SUMF1: variants seen among roughly 807,000 people sequenced by gnomAD.
The protein encoded by SUMF1 is formylglycine-generating enzyme.
SUMF1 carries 48 observed loss-of-function variants against 47.6 expected under a neutral mutation model. That is an observed-to-expected ratio of 1.01 (90% CI 0.80 to 1.28). The LOEUF is 1.28. SUMF1 is among the 50% of genes most tolerant of loss of function. SUMF1 has a pLI of 0.00. For synonymous variants in SUMF1, 230 were observed against 192.1 expected (o/e 1.20, Z -1.63); for missense variants, 571 against 485.4 (o/e 1.18, Z -1.66).
intron 1 of SUMF1, among the ~76,000 whole-genome samples, chr3:4,456,792 A>G (rs1286377800): frequency 1.3e-5 from 2 of 148,864 alleles, no homozygotes; most frequent in African/African-American, 2.5e-5. Flanking sequence ...GTGTGTGTGT[A>G]TATATACGTG....
At chr3:4,442,113 A>T (rs990491924) in intron 3 of SUMF1, among the ~76,000 whole-genome samples, 1 of 152,204 alleles carries the variant, frequency 6.6e-6, no homozygotes, top group Admixed American at 6.5e-5. Context: ...AAGAGCCAAC[A>T]GGCATTACTG....
At chr3:4,039,631 ATTTGGGTTGGTT>A (rs1694872636) in intron 9 of SUMF1, among the ~76,000 whole-genome samples, 1 of 151,616 alleles carries the variant, frequency 6.6e-6, no homozygotes, top group African/African-American at 2.4e-5. Flanking sequence ...ATTGTTGGAC[ATTTGGGTTGGTT>A]CCAAGTCTTT....
intron 9 of SUMF1, among the ~76,000 whole-genome samples, chr3:4,059,060 C>A (rs1009228065): frequency 6.6e-6 from 1 of 152,074 alleles, no homozygotes; most frequent in Non-Finnish European, 1.5e-5. Context: ...GGACAACATA[C>A]TGGAAAAGGT....
chr3:4,455,717 A>G (rs188136373), intron 1 of SUMF1, among the ~76,000 whole-genome samples: 9 of 151,616 alleles, frequency 5.9e-5, no homozygotes, highest in African/African-American at 2.2e-4. Context: ...ACTCCGTTTC[A>G]AATAATAATA....
chr3:4,417,167 C>T lies in SUMF1; in HGVS notation c.801G>A (p.Val267=), dbSNP rs775505041. Residue 267 remains valine, a synonymous_variant, in exon 6 of 9, where the codon GTG becomes GTA. Coordinates refer to ENST00000272902, the MANE Select transcript of SUMF1 (RefSeq NM_182760.4). ...YANIWQGEFP[V]TNTGEDGFQG... is the part of the protein sequence containing the mutation. ...GGAAGCCATCCTCACCAGTGTTGGT[C>T]ACCGGAAACTCGCCCTGCCAAATGT... The T allele has an allele frequency of 1.9e-6, 3 of 1,613,986 alleles. No homozygotes were observed. Among genetic ancestry groups the T allele is most frequent in the Middle Eastern group, 1.7e-4 (1 of 6,058 alleles).
chr3:4,378,281 G>A (rs9826440), intron 7 of SUMF1, among the ~76,000 whole-genome samples: 31,265 of 152,046 alleles, frequency 0.21, 3,383 homozygotes, highest in Middle Eastern at 0.29. Context: ...CATGTAAATT[G>A]CTGAATACTG....
At chr3:4,353,917 G>A (rs1699563668) in intron 8 of SUMF1, among the ~76,000 whole-genome samples, 1 of 152,114 alleles carries the variant, frequency 6.6e-6, no homozygotes, top group Admixed American at 6.5e-5. Flanking sequence ...AGGCTGGAGT[G>A]CAGCAGTGTG....
chr3:4,045,518 T>C (rs1694989408), intron 9 of SUMF1, among the ~76,000 whole-genome samples: 1 of 151,936 alleles, frequency 6.6e-6, no homozygotes, highest in Non-Finnish European at 1.5e-5. Context: ...TGAGATTGTA[T>C]ATATAAAAAT....
intron 8 of SUMF1, among the ~76,000 whole-genome samples, chr3:4,215,922 T>A (rs1040527789): frequency 6.6e-6 from 1 of 152,188 alleles, no homozygotes; most frequent in Non-Finnish European, 1.5e-5. Context: ...CATTCCATGC[T>A]CATGGATAGG....
downstream of SUMF1, among the ~76,000 whole-genome samples, chr3:4,360,733 T>A (rs1276780936): frequency 1.3e-5 from 2 of 152,214 alleles, no homozygotes; most frequent in Non-Finnish European, 2.9e-5. Flanking sequence ...ATTATTTGAT[T>A]TAAACATTTC....
At position 4,322,267 on chromosome 3, in the gene SUMF1, T is replaced by A. The variant is rs564158589; in HGVS notation, c.1014+54063A>T. On this transcript the variant is annotated intron_variant and NMD_transcript_variant, in intron 8 of 12. Coordinates refer to the SUMF1 transcript ENST00000448413. ...TAGTTAATGATGTATCAATATTGGT[T>A]CTTAATTGTAACAAATGTATCATAA... 1.2e-3 allele frequency among the ~76,000 whole-genome samples: 186 copies of A among 152,242 alleles called. 1 individual carries two copies. Among genetic ancestry groups the A allele is most frequent in the Non-Finnish European group, 2.0e-3 (137 of 68,014 alleles).
intron 8 of SUMF1, among the ~76,000 whole-genome samples, chr3:4,071,294 G>A (rs1283565687): frequency 6.6e-6 from 1 of 152,112 alleles, no homozygotes; most frequent in Non-Finnish European, 1.5e-5. Context: ...CATTGAGACT[G>A]GATGGACAGT....
chr3:4,096,736 G>T (rs557177854), intron 8 of SUMF1, among the ~76,000 whole-genome samples: 1 of 152,070 alleles, frequency 6.6e-6, no homozygotes, highest in Non-Finnish European at 1.5e-5. Flanking sequence ...TATCTTAGTC[G>T]AGGGTCACAA....
At chr3:4,434,923 G>T (rs986705670) in intron 3 of SUMF1, among the ~76,000 whole-genome samples, 10 of 152,038 alleles carry the variant, frequency 6.6e-5, no homozygotes, top group Non-Finnish European at 1.3e-4. Flanking sequence ...AATTATCAAA[G>T]ACTTTATTTT....
intron 8 of SUMF1, among the ~76,000 whole-genome samples, chr3:4,117,493 T>C (rs1693447747): frequency 6.6e-6 from 1 of 152,124 alleles, no homozygotes; most frequent in Non-Finnish European, 1.5e-5. Context: ...ACTTGTTTTC[T>C]TAGTTCTCTT....
intron 8 of SUMF1, among the ~76,000 whole-genome samples, chr3:4,243,029 G>C (rs757801182): frequency 6.6e-6 from 1 of 152,026 alleles, no homozygotes; most frequent in Non-Finnish European, 1.5e-5. Flanking sequence ...ATTTCTTCTA[G>C]ATTTTCTAGG....
intron 8 of SUMF1, among the ~76,000 whole-genome samples, chr3:4,333,580 C>CA (rs916921805): frequency 1.2e-4 from 18 of 152,268 alleles, no homozygotes; most frequent in African/African-American, 4.3e-4. Context: ...CAAAAAGAAG[C>CA]AAAAGCCATG....
At chr3:4,177,492 G>A (rs1018419578) in intron 8 of SUMF1, among the ~76,000 whole-genome samples, 1 of 152,144 alleles carries the variant, frequency 6.6e-6, no homozygotes, top group Non-Finnish European at 1.5e-5. Flanking sequence ...TGAAACCAAT[G>A]AGAACAAAGA....
At chr3:4,115,812 G>T (rs1379792584) in intron 8 of SUMF1, among the ~76,000 whole-genome samples, 1 of 151,836 alleles carries the variant, frequency 6.6e-6, no homozygotes, top group Non-Finnish European at 1.5e-5. Flanking sequence ...TTCTAGATAC[G>T]AAACGATATT....
Sources: allele counts gnomAD v4.1 joint callset (sites outside exome capture counted in the v4.1 genomes callset), GRCh38; gene constraint gnomAD v4.1.1; transcripts MANE v1.5; gene names NCBI Gene and HGNC (gene_info 2026-07-23, HGNC 2026-07-21).